Variants in SIPA1L2 observed in about 807,000 individuals in gnomAD.
SIPA1L2 encodes signal-induced proliferation-associated 1-like protein 2.
A neutral mutation model predicts 163.9 loss-of-function variants in SIPA1L2; 56 were observed. That is an observed-to-expected ratio of 0.34 (90% CI 0.28 to 0.43). The LOEUF is 0.43. SIPA1L2 is among the 20% of genes least tolerant of loss of function. The pLI is 1.00. For synonymous variants in SIPA1L2, 877 were observed against 865.7 expected, an observed-to-expected ratio of 1.01 and a Z score of -0.23; for missense variants, 1,974 against 2,193.5, an observed-to-expected ratio of 0.90 and a Z score of 2.00.
rs1662740767 is a variant in SIPA1L2, at chr1:232,439,174, G to A, written c.3965C>T (p.Thr1322Ile). The change falls in exon 15 of 23, where the codon ACC becomes ATC. Residue 1322 changes from threonine to isoleucine, a missense_variant. This residue lies in a region of SIPA1L2 where 1,079 missense variants were observed against 1,150.7 expected (regional missense o/e 0.94). Transcript: ENST00000674635. ...KLYSVHGYAS[T>I]ISAGSAAEGS... ...TTCCGCAGCACTGCCGGCGGAGATG[G>A]TGGACGCGTAGCCATGCACAGAATA... 6.2e-7 allele frequency: 1 copy of A among 1,613,384 alleles called. No individual in the cohort carries two copies. Among genetic ancestry groups the A allele is most frequent in the African/African-American group, 1.3e-5 (1 of 74,954 alleles).
rs1558277889 is a variant in SIPA1L2 at position 232,572,772 on chromosome 1, T to TACACACATATATACATAC, written c.-270+1401_-270+1402insGTATGTATATATGTGTGT. ...ATATATATATATATATATATATATA[T>TACACACATATATACATAC]ATATATATTTATTTATTTATTTTTT... On this transcript the variant is annotated intron_variant, in intron 2 of 22. Transcript: ENST00000674635. 2.8e-4 allele frequency among the ~76,000 whole-genome samples: 20 copies of TACACACATATATACATAC among 70,488 alleles called. 1 individual carries two copies. The East Asian group carries it at 8.5e-3, about 30-fold the overall frequency. The allele number at this position is 70,488 out of a possible 152,430, so 46.2% of individuals were successfully genotyped here. A position where few individuals can be genotyped will look rare whatever the true frequency, so the allele number is the denominator to read the frequency against.
intron 1 of SIPA1L2, among the ~76,000 whole-genome samples, chr1:232,616,502 A>G (rs1662504740): frequency 6.6e-6 from 1 of 152,192 alleles, no homozygotes; most frequent in African/African-American, 2.4e-5. Context: ...TTCCACCTCA[A>G]CAAGCCTCAG....
At chr1:232,508,475 G>C (rs1405762184) in intron 3 of SIPA1L2, among the ~76,000 whole-genome samples, 1 of 152,222 alleles carries the variant, frequency 6.6e-6, no homozygotes, top group Admixed American at 6.5e-5. Flanking sequence ...TGGCCCCACT[G>C]TTGGTGGCAG....
chr1:232,466,711 A>G (rs56937946), intron 8 of SIPA1L2, among the ~76,000 whole-genome samples: 1,566 of 152,292 alleles, frequency 0.01, 31 homozygotes, highest in African/African-American at 0.036. Context: ...GAATGGTGTG[A>G]ACCTCGGAGG....
intron 2 of SIPA1L2, among the ~76,000 whole-genome samples, chr1:232,526,549 G>A (rs1047237624): frequency 3.9e-5 from 6 of 152,154 alleles, no homozygotes; most frequent in Non-Finnish European, 5.9e-5. Flanking sequence ...GGCAGGAGGC[G>A]GAGCTCAGGC....
intron 1 of SIPA1L2, among the ~76,000 whole-genome samples, chr1:232,596,159 G>A (rs1487404785): frequency 1.3e-5 from 2 of 152,158 alleles, no homozygotes; most frequent in African/African-American, 2.4e-5. Context: ...CCAGGATTCC[G>A]GAAAGTCAAA....
intron 10 of SIPA1L2, among the ~76,000 whole-genome samples, chr1:232,453,510 T>C (rs1242870288): frequency 1.3e-5 from 2 of 152,244 alleles, no homozygotes; most frequent in Non-Finnish European, 2.9e-5. Context: ...CCTTACAAAG[T>C]ACTGCAATGC....
chr1:232,551,970 G>A (rs1477921276), intron 2 of SIPA1L2, among the ~76,000 whole-genome samples: 4 of 152,118 alleles, frequency 2.6e-5, no homozygotes, highest in Non-Finnish European at 5.9e-5. Context: ...CTCCTAAGTA[G>A]CTGAGATTAC....
chr1:232,543,628 C>A (rs113673060), intron 2 of SIPA1L2, among the ~76,000 whole-genome samples: 1 of 152,190 alleles, frequency 6.6e-6, no homozygotes, highest in African/African-American at 2.4e-5. Flanking sequence ...CAAGGCTTTG[C>A]GAGGCTGAGG....
chr1:232,453,226 G>A (rs1663691760), intron 10 of SIPA1L2, among the ~76,000 whole-genome samples: 1 of 152,090 alleles, frequency 6.6e-6, no homozygotes, highest in Admixed American at 6.5e-5. Context: ...CTAAGAAAGG[G>A]GAAGAGTCCT....
At chr1:232,613,080 G>A (rs1272201947) in intron 1 of SIPA1L2, among the ~76,000 whole-genome samples, 1 of 151,384 alleles carries the variant, frequency 6.6e-6, no homozygotes, top group Non-Finnish European at 1.5e-5. Context: ...TTCCCTTGCT[G>A]CTGCCATGTA....
intron 14 of SIPA1L2, among the ~76,000 whole-genome samples, chr1:232,440,753 A>G (rs1221587694): frequency 6.6e-6 from 1 of 152,186 alleles, no homozygotes; most frequent in African/African-American, 2.4e-5. Flanking sequence ...GTTTTGTTTC[A>G]CTGGGCTACA....
chr1:232,621,215 CAG>C (rs1353229987), intron 1 of SIPA1L2, among the ~76,000 whole-genome samples: 2 of 152,170 alleles, frequency 1.3e-5, no homozygotes, highest in Admixed American at 1.3e-4. Flanking sequence ...TAGTTAATAA[CAG>C]ACAATTCACT....
At chr1:232,534,986 C>G (rs1412383432) in intron 2 of SIPA1L2, among the ~76,000 whole-genome samples, 5 of 152,172 alleles carry the variant, frequency 3.3e-5, no homozygotes, top group Admixed American at 6.5e-5. Context: ...TACTCACAAT[C>G]TAAAATGGCA....
In SIPA1L2 at chr1:232,445,464, C is replaced by T. The variant is rs917976144; in HGVS notation, c.3353+65G>A. ...AAGTGATTAAGCAAAACCCTCCCTA[C>T]AATGTCAAGTTCTCACCCCAGTGAT... On this transcript the variant is annotated intron_variant, in intron 11 of 22. Coordinates refer to ENST00000674635, the MANE Select transcript of SIPA1L2 (RefSeq NM_020808.5). 3.1e-6 allele frequency: 5 copies of T among 1,602,160 alleles called. No individual in the cohort carries two copies. In the African/African-American group the frequency reaches 4.0e-5, roughly 13 times the overall value.
chr1:232,456,239 A>G (rs1298187539), intron 10 of SIPA1L2, among the ~76,000 whole-genome samples: 1 of 151,962 alleles, frequency 6.6e-6, no homozygotes, highest in East Asian at 1.9e-4. Flanking sequence ...GTGTGTAGAT[A>G]TACATCTAAA....
chr1:232,449,118 G>A (rs763530643), intron 10 of SIPA1L2, among the ~76,000 whole-genome samples: 1 of 152,070 alleles, frequency 6.6e-6, no homozygotes, highest in Non-Finnish European at 1.5e-5. Flanking sequence ...CAACTAGATC[G>A]CTGAAGAAGA....
At chr1:232,414,349 G>A (rs543587801) in intron 19 of SIPA1L2, among the ~76,000 whole-genome samples, 35 of 152,190 alleles carry the variant, frequency 2.3e-4, no homozygotes, top group African/African-American at 4.1e-4. Context: ...AGCCACCATC[G>A]GGCCTCCCTA....
At chr1:232,501,073 T>TTTTTTTTC (rs71173222) in intron 3 of SIPA1L2, among the ~76,000 whole-genome samples, 20 of 136,074 alleles carry the variant, frequency 1.5e-4, no homozygotes, top group Non-Finnish European at 2.5e-4. Flanking sequence ...TTTTTTTTTT[T>TTTTTTTTC]GTGAGACAGA....
Sources: allele counts gnomAD v4.1 joint callset (sites outside exome capture counted in the v4.1 genomes callset), GRCh38; gene constraint gnomAD v4.1.1; regional missense constraint gnomAD v4.1.1; transcripts MANE v1.5; gene names NCBI Gene and HGNC (gene_info 2026-07-23, HGNC 2026-07-21).